The following NEURL1 variants were observed in gnomAD, a reference collection of about 807,000 sequenced individuals.
NEURL1 encodes the protein E3 ubiquitin-protein ligase NEURL1.
A neutral mutation model predicts 41.2 loss-of-function variants in NEURL1; 26 were observed. The observed-to-expected ratio is 0.63, with a 90% CI of 0.46 to 0.87. The LOEUF (loss-of-function observed/expected upper bound fraction) is 0.87. NEURL1 is among the 40% of genes least tolerant of loss of function. The pLI, the probability that NEURL1 is intolerant of heterozygous loss-of-function variation, is 0.00. For synonymous variants in NEURL1, 400 were observed against 402.3 expected, an observed-to-expected ratio of 0.99 and a Z score of 0.07; for missense variants, 761 against 871.1, an observed-to-expected ratio of 0.87 and a Z score of 1.59.
chr10:103,523,761 ATG>A (rs2034405131), intron 1 of NEURL1, among the ~76,000 whole-genome samples: 1 of 152,164 alleles, frequency 6.6e-6, no homozygotes, highest in African/African-American at 2.4e-5. Context: ...TCATATTGCC[ATG>A]AATGACAGAA....
chr10:103,520,940 T>C (rs1420598666), intron 1 of NEURL1, among the ~76,000 whole-genome samples: 1 of 152,134 alleles, frequency 6.6e-6, no homozygotes, highest in African/African-American at 2.4e-5. Flanking sequence ...ACACAAGGTC[T>C]GAATAAGAGA....
rs1477075671 is a variant in NEURL1, at chr10:103,592,371, C to A, written c.*1999C>A. The A allele has an allele frequency of 6.6e-6, 1 of 152,522 alleles. No homozygotes were observed. Among genetic ancestry groups the A allele is most frequent in the Non-Finnish European group, 1.5e-5 (1 of 68,052 alleles). The allele number at this position is 152,522 out of a possible 1,614,324, so 9.4% of individuals were successfully genotyped here. The stretch of plus-strand genomic sequence containing the variant: ...CCCAGTCACTGACCCTGGGAGACCC[C>A]TTCTGTGTGGGAGGGAGCGGGGGCT... On this transcript the variant is annotated 3_prime_UTR_variant, in exon 6 of 6. Transcript: ENST00000369780. The surrounding 1 kb of genome is among the most constrained non-coding windows in gnomAD (Gnocchi z 4.8).
intron 5 of NEURL1, 67 bp from the exon 6 acceptor site, chr10:103,590,067 C>G (rs1050384072): frequency 6.7e-7 from 1 of 1,488,882 alleles, no homozygotes; most frequent in Non-Finnish European, 9.3e-7. Flanking sequence ...CCGGGGAGCT[C>G]TCTTCCCGTG....
chr10:103,496,487 A>C (rs1009172910), intron 1 of NEURL1, among the ~76,000 whole-genome samples: 3 of 152,206 alleles, frequency 2.0e-5, no homozygotes, highest in East Asian at 1.9e-4. Flanking sequence ...AAGGGTTAAC[A>C]ATTATTTCCT....
chr10:103,499,018 G>C (rs1277076213), intron 1 of NEURL1, among the ~76,000 whole-genome samples: 1 of 152,182 alleles, frequency 6.6e-6, no homozygotes, highest in Non-Finnish European at 1.5e-5. Context: ...GTCTTTGTTT[G>C]AACACCTGTT....
chr10:103,580,562 G>C (rs144199722), intron 3 of NEURL1, among the ~76,000 whole-genome samples: 1 of 152,148 alleles, frequency 6.6e-6, no homozygotes, highest in Non-Finnish European at 1.5e-5. Context: ...GACCTTTGCC[G>C]TCCCTTCTGC....
chr10:103,589,448 C>T, intron 4 of NEURL1, 66 bp from the exon 5 acceptor site: 1 of 1,516,356 alleles, frequency 6.6e-7, no homozygotes, highest in Non-Finnish European at 8.9e-7. Flanking sequence ...CTGTGAGGGA[C>T]AGAGCTTTCT....
chr10:103,501,694 G>A (rs1250499959), intron 1 of NEURL1, among the ~76,000 whole-genome samples: 1 of 150,712 alleles, frequency 6.6e-6, no homozygotes, highest in African/African-American at 2.4e-5. Flanking sequence ...GTGCAATGGC[G>A]TGATCTCAGC....
intron 3 of NEURL1, among the ~76,000 whole-genome samples, chr10:103,580,806 G>C (rs1204380616): frequency 6.6e-6 from 1 of 152,152 alleles, no homozygotes; most frequent in Non-Finnish European, 1.5e-5. Flanking sequence ...CCCAACTCTA[G>C]CAAGATTTCA....
At position 103,585,221 on chromosome 10, in the gene NEURL1, C is replaced by A; in HGVS notation, c.1335C>A (p.Ile445=). 6.5e-7 allele frequency: 1 copy of A among 1,526,932 alleles called. No homozygotes were observed. Among genetic ancestry groups the A allele is most frequent in the Non-Finnish European group, 8.8e-7 (1 of 1,138,612 alleles). The allele number at this position is 1,526,932 out of a possible 1,614,324, so 94.6% of individuals were successfully genotyped here. ...ACGGGACCATCACGCAGATCCGCAT[C>A]CTCGGTGAGTGCCCGCAGCTGCGCC... ...GLHGTITQIR[I]LGSTILAERG... Residue 445 remains isoleucine, a synonymous_variant, in exon 4 of 6, where the codon ATC becomes ATA. Transcript: ENST00000369780.
chr10:103,494,505 T>C, intron 1 of NEURL1, 33 bp downstream of exon 1: 1 of 1,512,376 alleles, frequency 6.6e-7, no homozygotes, highest in Non-Finnish European at 8.9e-7. Flanking sequence ...GCTGGAGGAC[T>C]GGGGCGCAGG....
intron 1 of NEURL1, among the ~76,000 whole-genome samples, chr10:103,513,190 G>T (rs774170540): frequency 2.0e-5 from 3 of 152,188 alleles, no homozygotes; most frequent in Non-Finnish European, 4.4e-5. Flanking sequence ...CTCTCGGGAG[G>T]CCTCAGGGGA....
chr10:103,553,567 G>A (rs1564819234), intron 1 of NEURL1, among the ~76,000 whole-genome samples: 1 of 152,068 alleles, frequency 6.6e-6, no homozygotes, highest in Admixed American at 6.5e-5. Flanking sequence ...CCCAGATCCC[G>A]CCCAGCCCTC....
intron 1 of NEURL1, among the ~76,000 whole-genome samples, chr10:103,552,314 C>T (rs1027425564): frequency 6.6e-6 from 1 of 152,200 alleles, no homozygotes; most frequent in African/African-American, 2.4e-5. Flanking sequence ...CCTCAAGACC[C>T]TCCTGGTGTA....
At chr10:103,511,518 G>A (rs2034071454) in intron 1 of NEURL1, among the ~76,000 whole-genome samples, 1 of 152,240 alleles carries the variant, frequency 6.6e-6, no homozygotes, top group Non-Finnish European at 1.5e-5. Flanking sequence ...ATTGGACTTT[G>A]TCTTGGCTCC....
intron 3 of NEURL1, among the ~76,000 whole-genome samples, chr10:103,572,521 G>C (rs2035571339): frequency 6.6e-6 from 1 of 152,246 alleles, no homozygotes; most frequent in African/African-American, 2.4e-5. Context: ...GCAAGGAGGA[G>C]GAGCCTCGGG....
At chr10:103,574,356 C>A (rs1290483014) in intron 3 of NEURL1, among the ~76,000 whole-genome samples, 1 of 151,564 alleles carries the variant, frequency 6.6e-6, no homozygotes, top group Non-Finnish European at 1.5e-5. Flanking sequence ...TCTCATTTAA[C>A]CCCTCTGAAG....
At chr10:103,552,415 C>T (rs114350420) in intron 1 of NEURL1, among the ~76,000 whole-genome samples, 4,498 of 152,220 alleles carry the variant, frequency 0.03, 215 homozygotes, top group African/African-American at 0.1. Context: ...TGGAACACAC[C>T]AGCTCTCTCC....
In NEURL1 at chr10:103,558,503, C is replaced by CTCTGTG. The variant is rs2035209571; in HGVS notation, c.86-12368_86-12367insCTGTGT. Among the ~76,000 whole-genome samples, 1 of 131,924 alleles carries CTCTGTG rather than the reference C, an allele frequency of 7.6e-6. No individual in the cohort carries two copies. The highest frequency in any genetic ancestry group is 2.9e-5 in the African/African-American group (1 of 34,124). The allele number at this position is 131,924 out of a possible 152,430, so 86.5% of individuals were successfully genotyped here. On this transcript the variant is annotated intron_variant, in intron 1 of 5. Transcript: ENST00000369780. The surrounding 1 kb of genome is among the most constrained non-coding windows in gnomAD (Gnocchi z 4.2). ...GTGGTACTCTGTGCCTGTGCCATGC[C>CTCTGTG]TGTGTGTGTGTGTGTGTGTGTGTGT...
Sources: gnomAD v4.1 joint callset for allele counts (sites outside exome capture counted in the v4.1 genomes callset) on GRCh38, gnomAD v4.1.1 for gene constraint, Gnocchi (gnomAD v3.1) non-coding constraint, MANE v1.5 for transcripts, NCBI Gene and HGNC (gene_info 2026-07-23, HGNC 2026-07-21) for gene names.